Variants in SH3GL3 observed in about 807,000 individuals in gnomAD.
SH3GL3 encodes endophilin-A3.
Under a neutral mutation model 47.7 loss-of-function variants are expected in SH3GL3, and 33 were observed. The observed-to-expected ratio is 0.69, with a 90% CI of 0.52 to 0.92. SH3GL3 has a LOEUF of 0.92. SH3GL3 is among the 40% of genes least tolerant of loss of function. The probability of loss-of-function intolerance (pLI) is 0.00; values close to 1 mark genes in which losing one functional copy is unlikely to be tolerated. For missense variants in SH3GL3, 363 were observed against 417.8 expected (o/e 0.87, Z 1.14); for synonymous variants, 155 against 148.8 (o/e 1.04, Z -0.30).
intron 5 of SH3GL3, among the ~76,000 whole-genome samples, chr15:83,573,488 T>G (rs1453964467): frequency 6.6e-6 from 1 of 152,198 alleles, no homozygotes; most frequent in Non-Finnish European, 1.5e-5. Flanking sequence ...ATCTTATGGG[T>G]GAAGCCCAGC....
At position 83,576,556 on chromosome 15, in the gene SH3GL3, C is replaced by G. The variant is rs893412493; in HGVS notation, c.466-27C>G. On this transcript the variant is annotated intron_variant, in intron 5 of 8. Coordinates refer to ENST00000427482, the MANE Select transcript of SH3GL3 (RefSeq NM_003027.5). Reference sequence around the variant, plus strand: ...GCCAGGTTTTGAATGTAGCACCTCTCTGAGGGACTCCATTCTCTTTTTTTA... The same window carrying G: ...GCCAGGTTTTGAATGTAGCACCTCTGTGAGGGACTCCATTCTCTTTTTTTA... 3.2e-6 allele frequency: 5 copies of G among 1,583,458 alleles called. No homozygotes were observed. The African/African-American group carries it at 5.5e-5, about 17-fold the overall frequency.
intron 1 of SH3GL3, among the ~76,000 whole-genome samples, chr15:83,552,172 T>C (rs1383751035): frequency 6.6e-6 from 1 of 152,204 alleles, no homozygotes; most frequent in Admixed American, 6.5e-5. Context: ...CTCTAGCAAA[T>C]TGGCACAGTT....
intron 1 of SH3GL3, among the ~76,000 whole-genome samples, chr15:83,534,318 A>G (rs1265321924): frequency 1.3e-5 from 2 of 152,194 alleles, no homozygotes; most frequent in Non-Finnish European, 2.9e-5. Flanking sequence ...AATTGCTGGT[A>G]TTCTGTTATA....
chr15:83,560,495 G>A (rs2045211712), intron 2 of SH3GL3, among the ~76,000 whole-genome samples: 1 of 152,106 alleles, frequency 6.6e-6, no homozygotes, highest in Admixed American at 6.5e-5. Context: ...TATACAAATA[G>A]GTGATGTATA....
At chr15:83,524,080 C>A (rs1212114200) in intron 1 of SH3GL3, among the ~76,000 whole-genome samples, 3 of 152,000 alleles carry the variant, frequency 2.0e-5, no homozygotes, top group East Asian at 3.9e-4. Flanking sequence ...GCTTTTCTTG[C>A]AGTATTAGGA....
At chr15:83,537,336 T>C (rs2043959081) in intron 1 of SH3GL3, among the ~76,000 whole-genome samples, 1 of 152,224 alleles carries the variant, frequency 6.6e-6, no homozygotes, top group South Asian at 2.1e-4. Flanking sequence ...AATGCCCCAG[T>C]TGCCTGTTGC....
At chr15:83,624,614 A>T in the SH3GL3 span, among the ~76,000 whole-genome samples, 1 of 152,178 alleles carries the variant, frequency 6.6e-6, no homozygotes, top group Non-Finnish European at 1.5e-5. Flanking sequence ...GTGTTTTAAG[A>T]TGCTGAATTA....
chr15:83,551,125 A>G (rs964889889), intron 1 of SH3GL3, among the ~76,000 whole-genome samples: 1 of 152,166 alleles, frequency 6.6e-6, no homozygotes, highest in Non-Finnish European at 1.5e-5. Flanking sequence ...TTTCCCAAAT[A>G]AATTTCTTTT....
At chr15:83,474,041 A>G (rs1174188313) in intron 1 of SH3GL3, among the ~76,000 whole-genome samples, 2 of 152,030 alleles carry the variant, frequency 1.3e-5, no homozygotes, top group East Asian at 1.9e-4. Context: ...TTTGTGTTCT[A>G]TATAATGCCC....
rs1486659394 is a variant in SH3GL3 at position 83,618,577 on chromosome 15, G to A, written c.*290G>A. On this transcript the variant is annotated 3_prime_UTR_variant, in exon 9 of 9. Transcript: ENST00000427482. ...TCTCACCCATTGCAGTTATGTCAACGAATGGCCTATATTCCTCAGCTGCAA... is the reference window on the plus strand; with the variant it reads ...TCTCACCCATTGCAGTTATGTCAACAAATGGCCTATATTCCTCAGCTGCAA... The A allele has an allele frequency of 5.5e-6, 2 of 363,418 alleles. No homozygotes were observed. Among genetic ancestry groups the A allele is most frequent in the South Asian group, 3.8e-5 (1 of 26,162 alleles). 22.5% of individuals were successfully genotyped at this position (363,418 alleles called of 1,614,324 possible). A position where few individuals can be genotyped will look rare whatever the true frequency, so the allele number is the denominator to read the frequency against.
chr15:83,559,496 C>G (rs756680649), intron 2 of SH3GL3, among the ~76,000 whole-genome samples, 175 bp downstream of exon 2: 5 of 152,154 alleles, frequency 3.3e-5, no homozygotes, highest in Non-Finnish European at 7.3e-5. Flanking sequence ...AGATCCTCCC[C>G]CTGTAGCCAC....
At chr15:83,549,658 T>G (rs2044565264) in intron 1 of SH3GL3, among the ~76,000 whole-genome samples, 1 of 152,360 alleles carries the variant, frequency 6.6e-6, no homozygotes, top group East Asian at 1.9e-4. Flanking sequence ...ATCTGCCTTG[T>G]GTATTCAGCT....
At chr15:83,583,032 G>C (rs2059870886) in intron 6 of SH3GL3, among the ~76,000 whole-genome samples, 1 of 152,188 alleles carries the variant, frequency 6.6e-6, no homozygotes, top group Non-Finnish European at 1.5e-5. Context: ...AAAGAGTAGA[G>C]GTCTTTGATA....
chr15:83,546,229 C>T (rs2044387932), intron 1 of SH3GL3, among the ~76,000 whole-genome samples: 1 of 151,154 alleles, frequency 6.6e-6, no homozygotes, highest in Non-Finnish European at 1.5e-5. Flanking sequence ...TGTGGCTGAG[C>T]CGCTACCCAA....
chr15:83,554,022 T>TC (rs1357554086), intron 1 of SH3GL3, among the ~76,000 whole-genome samples: 3 of 148,850 alleles, frequency 2.0e-5, no homozygotes, highest in African/African-American at 7.4e-5. Flanking sequence ...TCTCGCTCTT[T>TC]TTTTTTTTTT....
Position 83,596,031 on chromosome 15 carries a change from C to A in SH3GL3, c.838+7260C>A, listed in dbSNP as rs1436726679. Among the ~76,000 whole-genome samples the A allele has an allele frequency of 2.6e-5, 4 of 152,298 alleles. No homozygotes were observed. The East Asian group carries it at 7.7e-4, about 29-fold the overall frequency. ...AGCGCTATCAATTTCCCCCTAAGTA[C>A]CACTTGAGCACCATCTCATGCATTT... is the stretch of plus-strand genomic sequence containing the variant. On this transcript the variant is annotated intron_variant, in intron 8 of 8. Coordinates refer to ENST00000427482, the MANE Select transcript of SH3GL3 (RefSeq NM_003027.5).
At chr15:83,554,191 C>T (rs2044817363) in intron 1 of SH3GL3, among the ~76,000 whole-genome samples, 1 of 151,194 alleles carries the variant, frequency 6.6e-6, no homozygotes, top group Admixed American at 6.6e-5. Context: ...CCACATCCAG[C>T]TGATTTTTTT....
At chr15:83,632,732 T>C in the SH3GL3 span, among the ~76,000 whole-genome samples, 2 of 152,168 alleles carry the variant, frequency 1.3e-5, no homozygotes, top group African/African-American at 2.4e-5. Flanking sequence ...CATGATTCAA[T>C]TACCTCCCAC....
At chr15:83,583,108 G>T (rs2059872794) in intron 6 of SH3GL3, among the ~76,000 whole-genome samples, 1 of 152,206 alleles carries the variant, frequency 6.6e-6, no homozygotes, top group Admixed American at 6.5e-5. Flanking sequence ...TGGGAAATGT[G>T]CCTTTTCAGT....
Sources: allele counts gnomAD v4.1 joint callset (sites outside exome capture counted in the v4.1 genomes callset), GRCh38; gene constraint gnomAD v4.1.1; transcripts MANE v1.5; gene names NCBI Gene and HGNC (gene_info 2026-07-23, HGNC 2026-07-21).